The following GUCY1A2 variants were observed in gnomAD, a reference collection of about 807,000 sequenced individuals.
GUCY1A2 encodes the protein guanylate cyclase soluble subunit alpha-2.
A neutral mutation model predicts 63.5 loss-of-function variants in GUCY1A2; 27 were observed. The observed-to-expected ratio is 0.43, with a 90% confidence interval of 0.31 to 0.59. The LOEUF (loss-of-function observed/expected upper bound fraction) is 0.59, where lower values mean the gene tolerates loss of function less well. Ranked by LOEUF, GUCY1A2 falls within the 20% of genes least tolerant of loss-of-function variation. The probability of loss-of-function intolerance (pLI) is 0.11; values close to 1 mark genes in which losing one functional copy is unlikely to be tolerated. For synonymous variants in GUCY1A2, 364 were observed against 343.5 expected, an observed-to-expected ratio of 1.06 and a Z score of -0.66; for missense variants, 768 against 913.3, an observed-to-expected ratio of 0.84 and a Z score of 2.05.
At chr11:106,688,464 A>C (rs187289547) in intron 7 of GUCY1A2, among the ~76,000 whole-genome samples, 55 of 152,312 alleles carry the variant, frequency 3.6e-4, no homozygotes, top group African/African-American at 1.3e-3. Flanking sequence ...CTTGTATCTA[A>C]AAGTGTGGCC....
chr11:106,954,406 T>G (rs1390316404), intron 3 of GUCY1A2, among the ~76,000 whole-genome samples: 1 of 152,204 alleles, frequency 6.6e-6, no homozygotes, highest in Non-Finnish European at 1.5e-5. Flanking sequence ...TTGCATTTGC[T>G]GAGGAGTATT....
chr11:106,693,299 G>A (rs1489109165), intron 7 of GUCY1A2, among the ~76,000 whole-genome samples: 1 of 152,100 alleles, frequency 6.6e-6, no homozygotes, highest in Non-Finnish European at 1.5e-5. Flanking sequence ...CTTTAGAATT[G>A]ACTTTCTCCT....
intron 4 of GUCY1A2, among the ~76,000 whole-genome samples, chr11:106,906,507 T>C (rs1056092432): frequency 1.3e-5 from 2 of 152,140 alleles, no homozygotes; most frequent in Non-Finnish European, 2.9e-5. Flanking sequence ...GTAAATTAGT[T>C]CAACCATTGT....
chr11:107,003,812 TAAG>T (rs1444374458), intron 1 of GUCY1A2, among the ~76,000 whole-genome samples: 1 of 152,162 alleles, frequency 6.6e-6, no homozygotes, highest in Non-Finnish European at 1.5e-5. Flanking sequence ...AAGCAGACTC[TAAG>T]AAGGAGATTA....
chr11:106,921,995 C>CA (rs1860450667), intron 4 of GUCY1A2, among the ~76,000 whole-genome samples: 1 of 152,124 alleles, frequency 6.6e-6, no homozygotes, highest in Non-Finnish European at 1.5e-5. Context: ...ACATAAAGTG[C>CA]ACATCAGCTC....
At chr11:106,713,257 T>G (rs1863152912) in intron 6 of GUCY1A2, among the ~76,000 whole-genome samples, 1 of 152,176 alleles carries the variant, frequency 6.6e-6, no homozygotes, top group Admixed American at 6.5e-5. Flanking sequence ...TTTAAAAAGT[T>G]TTTTTAAAGA....
chr11:106,736,739 A>G (rs1318056566), intron 6 of GUCY1A2, among the ~76,000 whole-genome samples: 3 of 152,196 alleles, frequency 2.0e-5, no homozygotes, highest in Admixed American at 2.0e-4. Context: ...CATTTTAATA[A>G]TATTGATCCT....
At position 106,683,720 on chromosome 11, in the gene GUCY1A2, A is replaced by G. The variant is rs1862470779; in HGVS notation, c.*3829T>C. 2 of 224,084 alleles carry G rather than the reference A, an allele frequency of 8.9e-6. No homozygotes were observed. The highest frequency in any genetic ancestry group is 1.8e-5 in the Non-Finnish European group (2 of 112,232). 13.9% of individuals were successfully genotyped at this position (224,084 alleles called of 1,614,324 possible). A position where few individuals can be genotyped will look rare whatever the true frequency, so the allele number is the denominator to read the frequency against. Reference sequence around the variant, plus strand: ...TGAGTCATTCTCAAAATGACAAGACAGAAACCTGTGTGTAAAAGTTTTACT... The same window carrying G: ...TGAGTCATTCTCAAAATGACAAGACGGAAACCTGTGTGTAAAAGTTTTACT... On this transcript the variant is annotated 3_prime_UTR_variant, in exon 8 of 8. Coordinates refer to ENST00000526355, the MANE Select transcript of GUCY1A2 (RefSeq NM_000855.3).
chr11:106,726,638 A>G (rs1458667018), intron 6 of GUCY1A2, among the ~76,000 whole-genome samples: 4 of 152,152 alleles, frequency 2.6e-5, no homozygotes, highest in Non-Finnish European at 5.9e-5. Context: ...GGAAAGAAGG[A>G]GACTGATTAG....
At position 106,915,899 on chromosome 11, in the gene GUCY1A2, C is replaced by T. The variant is rs1447503376; in HGVS notation, c.1206+23561G>A. Among the ~76,000 whole-genome samples the T allele has an allele frequency of 1.4e-5, 2 of 144,258 alleles. 1 individual carries two copies. The highest frequency in any genetic ancestry group is 3.1e-5 in the Non-Finnish European group (2 of 64,312). 94.6% of individuals were successfully genotyped at this position (144,258 alleles called of 152,430 possible). On this transcript the variant is annotated intron_variant, in intron 4 of 7. Coordinates refer to ENST00000526355, the MANE Select transcript of GUCY1A2 (RefSeq NM_000855.3). Reference sequence around the variant, plus strand: ...TGAAAAACAGCCTTCTGGGACCTAACCTGAAATAGAGGAGCTTCTATATAC... The same window carrying T: ...TGAAAAACAGCCTTCTGGGACCTAATCTGAAATAGAGGAGCTTCTATATAC...
At chr11:106,901,764 G>C (rs1860137208) in intron 4 of GUCY1A2, among the ~76,000 whole-genome samples, 1 of 151,674 alleles carries the variant, frequency 6.6e-6, no homozygotes, top group Non-Finnish European at 1.5e-5. Flanking sequence ...GGGATAGTTT[G>C]CTGTGAATGA....
chr11:107,007,123 A>T (rs1257911058), intron 1 of GUCY1A2, among the ~76,000 whole-genome samples: 1 of 130,142 alleles, frequency 7.7e-6, no homozygotes, highest in African/African-American at 4.0e-5. Context: ...TTGGAACCAT[A>T]AAAAAAAATG....
rs183101790 is a variant in GUCY1A2 at position 106,726,242 on chromosome 11, T to G, written c.1837-17576A>C. 5.3e-5 allele frequency among the ~76,000 whole-genome samples: 8 copies of G among 151,982 alleles called. No individual in the cohort carries two copies. In the East Asian group the frequency reaches 1.6e-3, roughly 30 times the overall value. ...CCAGCCTGACCGACATGGTAAAACC[T>G]CGTCTCTACTAAAAAACACAAAAAT... On this transcript the variant is annotated intron_variant, in intron 6 of 7. Coordinates refer to ENST00000526355, the MANE Select transcript of GUCY1A2 (RefSeq NM_000855.3).
chr11:106,855,636 A>T (rs1591303346), intron 4 of GUCY1A2, among the ~76,000 whole-genome samples: 1 of 152,280 alleles, frequency 6.6e-6, no homozygotes, highest in East Asian at 1.9e-4. Context: ...TACTAAAAAC[A>T]TTTGTTGAAA....
intron 6 of GUCY1A2, among the ~76,000 whole-genome samples, chr11:106,763,294 T>G (rs1370539403): frequency 6.6e-6 from 1 of 151,880 alleles, no homozygotes; most frequent in Non-Finnish European, 1.5e-5. Context: ...GATGTCACTT[T>G]TAGGAAATTG....
chr11:106,848,943 AG>A (rs1326619573), intron 4 of GUCY1A2, among the ~76,000 whole-genome samples: 1 of 151,692 alleles, frequency 6.6e-6, no homozygotes, highest in African/African-American at 2.4e-5. Context: ...AATTTTACTT[AG>A]AATTCCAGTA....
rs1430735280 is a variant in GUCY1A2 at position 106,857,300 on chromosome 11, A to T, written c.1207-46822T>A. ...CTGTATCCTCGCATGACAGAAAGCT[A>T]GCTAGCTAGCTCTCTTTTTCTTACA... On this transcript the variant is annotated intron_variant, in intron 4 of 7. Transcript: ENST00000526355. Among the ~76,000 whole-genome samples, 6 of 152,102 alleles carry T rather than the reference A, an allele frequency of 3.9e-5. No individual in the cohort carries two copies. The South Asian group carries it at 1.2e-3, about 32-fold the overall frequency.
In GUCY1A2 at chr11:106,709,652, G is replaced by GTTATATA. The variant is rs368875301; in HGVS notation, c.1837-993_1837-987dup. Among the ~76,000 whole-genome samples the GTTATATA allele has an allele frequency of 3.1e-4, 9 of 28,870 alleles. 4 individuals carry two copies. The African/African-American group carries it at 3.1e-3, about 10-fold the overall frequency. The allele number at this position is 28,870 out of a possible 152,430, so 18.9% of individuals were successfully genotyped here. On this transcript the variant is annotated intron_variant, in intron 6 of 7. Coordinates refer to ENST00000526355, the MANE Select transcript of GUCY1A2 (RefSeq NM_000855.3). ...ATTATATACACGTATAGAATATATA[G>GTTATATA]TTATATACACGTATAGAATATATAG...
chr11:106,866,905 CA>C (rs542529852), intron 4 of GUCY1A2, among the ~76,000 whole-genome samples: 20 of 151,216 alleles, frequency 1.3e-4, no homozygotes, highest in Non-Finnish European at 1.9e-4. Flanking sequence ...TTTTCTAATA[CA>C]AAAAAAAATC....
Sources: gnomAD v4.1 joint callset for allele counts (sites outside exome capture counted in the v4.1 genomes callset) on GRCh38, gnomAD v4.1.1 for gene constraint, MANE v1.5 for transcripts, NCBI Gene and HGNC (gene_info 2026-07-23, HGNC 2026-07-21) for gene names.